SAMSN1: variants seen among roughly 807,000 people sequenced by gnomAD.
SAMSN1 encodes the protein SAM domain, SH3 domain and nuclear localization signals 1.
Under a neutral mutation model 42.0 loss-of-function variants are expected in SAMSN1, and 31 were observed. The observed-to-expected ratio is 0.74, with a 90% CI of 0.55 to 1.00. SAMSN1 has a LOEUF of 1.00. Ranked by LOEUF, SAMSN1 falls within the 50% of genes least tolerant of loss-of-function variation. The pLI is 0.00. For missense variants in SAMSN1, 464 were observed against 439.4 expected, an observed-to-expected ratio of 1.06 and a Z score of -0.50; for synonymous variants, 178 against 151.9, an observed-to-expected ratio of 1.17 and a Z score of -1.26.
chr21:14,649,642 C>A (rs1983792675), intron 1 of SAMSN1, among the ~76,000 whole-genome samples: 1 of 151,806 alleles, frequency 6.6e-6, no homozygotes. Flanking sequence ...TGATGGCACA[C>A]ACCTGTAATC....
At chr21:14,529,343 A>G (rs1421962491) in intron 1 of SAMSN1, among the ~76,000 whole-genome samples, 2 of 152,222 alleles carry the variant, frequency 1.3e-5, no homozygotes, top group East Asian at 3.8e-4. Flanking sequence ...TAAAAATCCT[A>G]CAGTCGTGAG....
intron 2 of SAMSN1, among the ~76,000 whole-genome samples, chr21:14,633,837 T>C (rs937390061): frequency 6.6e-6 from 1 of 152,214 alleles, no homozygotes; most frequent in Admixed American, 6.5e-5. Flanking sequence ...GATTAACTCC[T>C]GACCTTGGCC....
At chr21:14,514,760 A>G (rs1227274168) in intron 3 of SAMSN1, among the ~76,000 whole-genome samples, 1 of 151,960 alleles carries the variant, frequency 6.6e-6, no homozygotes, top group Non-Finnish European at 1.5e-5. Flanking sequence ...TTTTTTTGTA[A>G]AAGTGTAGAG....
Position 14,510,535 on chromosome 21 carries a change from G to A in SAMSN1, c.410-74C>T, listed in dbSNP as rs59323940. On this transcript the variant is annotated intron_variant, in intron 4 of 7. Transcript: ENST00000400566. Reference sequence around the variant, plus strand: ...TGAATCATCATCTGGACACAACTAAGTATTGATAATGCTGGAACACTGGAT... The same window carrying A: ...TGAATCATCATCTGGACACAACTAAATATTGATAATGCTGGAACACTGGAT... 1,227 of 1,528,684 alleles carry A rather than the reference G, an allele frequency of 8.0e-4. 8 individuals carry two copies. In the African/African-American group the frequency reaches 0.015, roughly 19 times the overall value. The allele number at this position is 1,528,684 out of a possible 1,614,324, so 94.7% of individuals were successfully genotyped here. A position where few individuals can be genotyped will look rare whatever the true frequency, so the allele number is the denominator to read the frequency against.
At chr21:14,520,522 A>G (rs1161880214) in intron 2 of SAMSN1, among the ~76,000 whole-genome samples, 1 of 152,142 alleles carries the variant, frequency 6.6e-6, no homozygotes, top group Non-Finnish European at 1.5e-5. Context: ...GCTTTCCCAA[A>G]CATCTGTTAG....
rs1987117750 is a variant in SAMSN1 at position 14,500,723 on chromosome 21, T to C, written c.574A>G (p.Ile192Val). ...DSLKIKKGDI[I>V]DIICKTPMGM... ...ATTGGTGTTTTGCAAATAATGTCTA[T>C]GATGTCTCCTTTCTAAGGGCAAAGA... Residue 192 changes from isoleucine (I) to valine (V), a missense_variant, in exon 6 of 8, where the codon ATA becomes GTA. Transcript: ENST00000400566. 3 of 1,613,282 alleles carry C rather than the reference T, an allele frequency of 1.9e-6. No homozygotes were observed. The highest frequency in any genetic ancestry group is 3.3e-5 in the Admixed American group (2 of 60,024).
intron 5 of SAMSN1, among the ~76,000 whole-genome samples, chr21:14,602,780 A>G: frequency 6.6e-6 from 1 of 152,284 alleles, no homozygotes; most frequent in Non-Finnish European, 1.5e-5. Flanking sequence ...TCAGCAGACC[A>G]GGGCCGTTTC....
At chr21:14,623,702 C>T (rs570975235) in intron 2 of SAMSN1, among the ~76,000 whole-genome samples, 70 of 152,238 alleles carry the variant, frequency 4.6e-4, no homozygotes, top group African/African-American at 1.6e-3. Context: ...TCACTGTCAA[C>T]ATTAGACAGA....
chr21:14,621,502 A>C (rs1455254408), intron 2 of SAMSN1, among the ~76,000 whole-genome samples: 1 of 152,188 alleles, frequency 6.6e-6, no homozygotes, highest in East Asian at 1.9e-4. Context: ...ATTATATCCC[A>C]CACCTGGCTC....
At chr21:14,513,313 A>G (rs1987769158) in intron 3 of SAMSN1, among the ~76,000 whole-genome samples, 1 of 152,228 alleles carries the variant, frequency 6.6e-6, no homozygotes, top group Non-Finnish European at 1.5e-5. Flanking sequence ...ATAAAACTTC[A>G]GAATACACAA....
At chr21:14,641,079 G>C (rs952432148) in intron 2 of SAMSN1, among the ~76,000 whole-genome samples, 3 of 151,882 alleles carry the variant, frequency 2.0e-5, no homozygotes, top group Admixed American at 6.6e-5. Flanking sequence ...TTAATTGTGG[G>C]GTGAAAATGC....
At chr21:14,636,886 G>A (rs776148741) in intron 2 of SAMSN1, among the ~76,000 whole-genome samples, 16 of 152,010 alleles carry the variant, frequency 1.1e-4, no homozygotes, top group Admixed American at 5.9e-4. Flanking sequence ...AAAAAAAAGT[G>A]TATAACTGTT....
At chr21:14,545,904 TAACA>T (rs1158933623) in intron 1 of SAMSN1, among the ~76,000 whole-genome samples, 1 of 152,184 alleles carries the variant, frequency 6.6e-6, no homozygotes, top group East Asian at 1.9e-4. Flanking sequence ...GATTTTATAA[TAACA>T]AACACTCAGA....
Position 14,573,317 on chromosome 21 carries a change from G to T in SAMSN1, c.261+8819C>A, listed in dbSNP as rs926571879. Among the ~76,000 whole-genome samples, 32 of 152,112 alleles carry T rather than the reference G, an allele frequency of 2.1e-4. 1 individual carries two copies. The highest frequency in any genetic ancestry group is 7.9e-4 in the Admixed American group (12 of 15,260). ...TACTCCTCTGAAATAGCATTGAAAA[G>T]GATTTTTAAAGTACTTCTTGTTAGA... On this transcript the variant is annotated intron_variant, in intron 2 of 8. Transcript: ENST00000285670.
intron 2 of SAMSN1, among the ~76,000 whole-genome samples, chr21:14,577,238 G>GTGTATATATA (rs1248361790): frequency 5.0e-4 from 14 of 28,174 alleles, no homozygotes; most frequent in Non-Finnish European, 7.5e-4. Context: ...ATATATGTGT[G>GTGTATATATA]TATATATATA....
intron 1 of SAMSN1, among the ~76,000 whole-genome samples, chr21:14,539,559 T>C (rs1456661711): frequency 1.3e-5 from 2 of 151,484 alleles, no homozygotes; most frequent in African/African-American, 2.4e-5. Context: ...TCAAAGAGAA[T>C]AAAATAAATA....
chr21:14,535,449 T>C (rs1229434378), intron 1 of SAMSN1, among the ~76,000 whole-genome samples: 1 of 152,040 alleles, frequency 6.6e-6, no homozygotes, highest in Non-Finnish European at 1.5e-5. Flanking sequence ...TCTAGAGTAA[T>C]TGGAAGGAAG....
chr21:14,548,314 T>C (rs769089386), upstream of SAMSN1, among the ~76,000 whole-genome samples: 3 of 152,174 alleles, frequency 2.0e-5, no homozygotes, highest in Non-Finnish European at 2.9e-5. Context: ...TAATGTTTTA[T>C]GTCAAAAAAT....
chr21:14,576,022 G>A (rs911806318), intron 2 of SAMSN1, among the ~76,000 whole-genome samples: 7 of 152,068 alleles, frequency 4.6e-5, no homozygotes, highest in African/African-American at 1.7e-4. Context: ...ATGTGAAGAT[G>A]GAAAAAAATA....
Sources: gnomAD v4.1 joint callset for allele counts (sites outside exome capture counted in the v4.1 genomes callset) on GRCh38, gnomAD v4.1.1 for gene constraint, MANE v1.5 for transcripts, NCBI Gene and HGNC (gene_info 2026-07-23, HGNC 2026-07-21) for gene names.